The following TMBIM6 variants were observed in gnomAD, a reference collection of about 807,000 sequenced individuals.
TMBIM6 encodes the protein bax inhibitor 1.
A neutral mutation model predicts 31.4 loss-of-function variants in TMBIM6; 13 were observed. That is an observed-to-expected ratio of 0.41 (90% CI 0.27 to 0.66). The LOEUF (loss-of-function observed/expected upper bound fraction) is 0.66, where lower values mean the gene tolerates loss of function less well. Among genes scored for constraint, TMBIM6 ranks in the 30% least tolerant of loss-of-function variants. TMBIM6 has a pLI of 0.28. For missense variants in TMBIM6, 275 were observed against 289.5 expected (o/e 0.95, Z 0.36); for synonymous variants, 85 against 101.7 (o/e 0.84, Z 0.99).
chr12:49,756,222 G>C (rs1368178910), intron 4 of TMBIM6, among the ~76,000 whole-genome samples: 3 of 151,768 alleles, frequency 2.0e-5, no homozygotes, highest in Non-Finnish European at 2.9e-5. Flanking sequence ...TGCAAACTCT[G>C]CCTTCCGGGT....
intron 3 of TMBIM6, among the ~76,000 whole-genome samples, chr12:49,753,902 C>G (rs925649375): frequency 5.3e-5 from 8 of 151,464 alleles, no homozygotes; most frequent in African/African-American, 1.9e-4. Context: ...AATTTGTAAC[C>G]CCAAAATCAA....
At chr12:49,744,314 T>C (rs1315885484) in intron 1 of TMBIM6, 2 of 152,216 alleles carry the variant, frequency 1.3e-5, no homozygotes, top group Non-Finnish European at 2.9e-5. Context: ...CCATTGAATA[T>C]TCTGATGCTC....
intron 8 of TMBIM6, among the ~76,000 whole-genome samples, chr12:49,760,005 A>T (rs750208077): frequency 7.9e-4 from 119 of 150,558 alleles, no homozygotes; most frequent in Non-Finnish European, 1.6e-3. Context: ...CCAGCTACTC[A>T]GGAGGCGGAG....
In TMBIM6 at chr12:49,759,339, T is replaced by G. The variant is rs372251586; in HGVS notation, c.614+18T>G. ...TATATCTGGTGAGTGTGGGAACTAG[T>G]CTTTAACAAGCATGAAGGTTGAGGC... On this transcript the variant is annotated intron_variant, in intron 8 of 9. Coordinates refer to ENST00000267115, the MANE Select transcript of TMBIM6 (RefSeq NM_003217.3). The G allele has an allele frequency of 1.9e-4, 307 of 1,597,942 alleles. No homozygotes were observed. Among genetic ancestry groups the G allele is most frequent in the Non-Finnish European group, 2.5e-4 (293 of 1,165,542 alleles).
intron 3 of TMBIM6, among the ~76,000 whole-genome samples, chr12:49,754,074 A>C (rs1235850646): frequency 1.3e-5 from 2 of 152,112 alleles, no homozygotes; most frequent in African/African-American, 4.8e-5. Context: ...TTCTTGTTTC[A>C]GTTCTCGTAT....
chr12:49,742,169 T>A lies in TMBIM6; in HGVS notation c.-31+558T>A, dbSNP rs554476789. ...ACTCCTCTGTGACACGCGAGGCTCC[T>A]CAGTTACTTAGCCAACGGCAGAGGC... On this transcript the variant is annotated intron_variant, in intron 1 of 9. Transcript: ENST00000267115. The A allele has an allele frequency of 5.0e-6, 8 of 1,613,366 alleles. No individual in the cohort carries two copies. The African/African-American group carries it at 9.3e-5, about 19-fold the overall frequency.
At chr12:49,755,285 T>C (rs1945568174) in intron 3 of TMBIM6, among the ~76,000 whole-genome samples, 1 of 152,144 alleles carries the variant, frequency 6.6e-6, no homozygotes, top group Admixed American at 6.5e-5. Flanking sequence ...ATCATTTCTA[T>C]TTGTTCTACA....
intron 1 of TMBIM6, chr12:49,744,525 CCTAAGTGACCCCTTGAGGTAGGTT>C (rs1442088187): frequency 6.6e-6 from 1 of 152,156 alleles, no homozygotes; most frequent in Non-Finnish European, 1.5e-5. Flanking sequence ...TTAAAGGTTA[CCTAAGTGACCCCTTGAGGTAGGTT>C]CCACTCTGAG....
rs1945722328 is a variant in TMBIM6 at position 49,761,678 on chromosome 12, A to C, written c.615-26A>C. 3.1e-6 allele frequency: 5 copies of C among 1,612,128 alleles called. No individual in the cohort carries two copies. The East Asian group carries it at 1.1e-4, about 36-fold the overall frequency. ...GTGGATAAAAAAGTCTGAAGTACAG[A>C]TCCTAATCTGGTTCTTGCCTTTCAG... On this transcript the variant is annotated intron_variant, in intron 8 of 9. Transcript: ENST00000267115.
At chr12:49,742,122 C>T (rs1239383744) in intron 1 of TMBIM6, 1 of 1,608,132 alleles carries the variant, frequency 6.2e-7, no homozygotes, top group East Asian at 2.2e-5. Context: ...CGAGGTAGGG[C>T]CTGGCGGGCG....
chr12:49,741,938 TCTC>T (rs759789392), intron 1 of TMBIM6: 38 of 772,360 alleles, frequency 4.9e-5, no homozygotes, highest in Non-Finnish European at 6.1e-5. Context: ...TCCCGCTCCT[TCTC>T]CTCTACTAAG....
At chr12:49,745,599 C>A (rs1945375765) in intron 1 of TMBIM6, among the ~76,000 whole-genome samples, 1 of 152,074 alleles carries the variant, frequency 6.6e-6, no homozygotes. Flanking sequence ...GTGGCACACA[C>A]CTGTAATCCC....
In TMBIM6 at chr12:49,763,070, T is replaced by C. The variant is rs919898773; in HGVS notation, c.*174T>C. On this transcript the variant is annotated 3_prime_UTR_variant, in exon 10 of 10. Coordinates refer to ENST00000267115, the MANE Select transcript of TMBIM6 (RefSeq NM_003217.3). The stretch of plus-strand genomic sequence containing the variant: ...GATCAAAAAACTGATTAGCAGAATA[T>C]AGTTTGGAGTTTGGCTTCATCTTCC... 2.7e-5 allele frequency: 18 copies of C among 671,574 alleles called. No homozygotes were observed. The highest frequency in any genetic ancestry group is 4.1e-5 in the Non-Finnish European group (17 of 413,346). The allele number at this position is 671,574 out of a possible 1,614,324, so 41.6% of individuals were successfully genotyped here. A position where few individuals can be genotyped will look rare whatever the true frequency, so the allele number is the denominator to read the frequency against.
intron 1 of TMBIM6, among the ~76,000 whole-genome samples, chr12:49,744,235 T>C (rs1020179593): frequency 2.6e-5 from 4 of 152,226 alleles, no homozygotes; most frequent in African/African-American, 9.6e-5. Flanking sequence ...TAGAAGGTAC[T>C]ACTGCTGGCC....
chr12:49,742,090 T>C (rs1222064793), intron 1 of TMBIM6: 1 of 1,589,648 alleles, frequency 6.3e-7, no homozygotes. Flanking sequence ...TGACCCTGGG[T>C]GAGCGGCCCG....
intron 8 of TMBIM6, among the ~76,000 whole-genome samples, chr12:49,759,964 T>A (rs1488528258): frequency 6.6e-6 from 1 of 151,060 alleles, no homozygotes; most frequent in Non-Finnish European, 1.5e-5. Flanking sequence ...TACAAAAAAT[T>A]AGTCGGGCGT....
Position 49,764,477 on chromosome 12 carries a change from C to T in TMBIM6, c.*1581C>T, listed in dbSNP as rs748511321. On this transcript the variant is annotated 3_prime_UTR_variant, in exon 10 of 10. Transcript: ENST00000267115. The stretch of plus-strand genomic sequence containing the variant: ...CATGCCACCCCGAATGGCTCACTTT[C>T]ACTGAGGATGCTGTCCTCTGATTTA... 6.6e-6 allele frequency: 1 copy of T among 152,532 alleles called. No individual in the cohort carries two copies. Among genetic ancestry groups the T allele is most frequent in the Non-Finnish European group, 1.5e-5 (1 of 68,028 alleles). 9.4% of individuals were successfully genotyped at this position (152,532 alleles called of 1,614,324 possible).
intron 1 of TMBIM6, chr12:49,742,208 AGTCTGG>A: frequency 6.2e-7 from 1 of 1,613,124 alleles, no homozygotes; most frequent in African/African-American, 1.3e-5. Context: ...AAGTGAGAGG[AGTCTGG>A]GGCTGGGGCT....
chr12:49,753,566 GTT>G (rs1945535410), intron 3 of TMBIM6, among the ~76,000 whole-genome samples: 1 of 152,188 alleles, frequency 6.6e-6, no homozygotes, highest in African/African-American at 2.4e-5. Context: ...GAGAATCTGG[GTT>G]TGGTCAGCAG....
Sources: gnomAD v4.1 joint callset for allele counts (sites outside exome capture counted in the v4.1 genomes callset) on GRCh38, gnomAD v4.1.1 for gene constraint, MANE v1.5 for transcripts, NCBI Gene and HGNC (gene_info 2026-07-23, HGNC 2026-07-21) for gene names.